CARS1: variants seen among roughly 807,000 people sequenced by gnomAD.
The protein encoded by CARS1 is cysteinyl-tRNA synthetase 1, also known as cysteine--tRNA ligase, cytoplasmic.
CARS1 carries 48 observed loss-of-function variants against 106.2 expected under a neutral mutation model. The ratio of observed to expected loss-of-function variants is 0.45; its 90% CI spans 0.36 to 0.57. The LOEUF is 0.57. CARS1 is among the 20% of genes least tolerant of loss of function. The probability of loss-of-function intolerance (pLI) is 0.00; values close to 1 mark genes in which losing one functional copy is unlikely to be tolerated. For synonymous variants in CARS1, 409 were observed against 403.4 expected (o/e 1.01, Z -0.17); for missense variants, 968 against 1,057.2 (o/e 0.92, Z 1.17).
At chr11:3,005,279 A>G (rs1029429098) in intron 20 of CARS1, 87 bp downstream of exon 20, 1 of 1,000,906 alleles carries the variant, frequency 1.0e-6, no homozygotes, top group Admixed American at 2.1e-5. Context: ...GTAAACATCA[A>G]TGCTTAAAAA....
At chr11:3,035,806 G>A (rs1214308917) in intron 7 of CARS1, among the ~76,000 whole-genome samples, 5 of 152,214 alleles carry the variant, frequency 3.3e-5, no homozygotes, top group African/African-American at 9.6e-5. Context: ...TTCTGATATG[G>A]CTACTATGAA....
intron 17 of CARS1, among the ~76,000 whole-genome samples, chr11:3,015,432 AG>A (rs2134131897): frequency 6.6e-6 from 1 of 152,390 alleles, no homozygotes; most frequent in African/African-American, 2.4e-5. Context: ...TACTGAATAC[AG>A]GTCAGTATAT....
At chr11:3,023,651 TC>T (rs1345221615) in intron 10 of CARS1, among the ~76,000 whole-genome samples, 1 of 152,068 alleles carries the variant, frequency 6.6e-6, no homozygotes, top group Non-Finnish European at 1.5e-5. Context: ...TGCCTCGGCC[TC>T]CCAAAGTGCT....
Position 3,040,622 on chromosome 11 carries a change from G to C in CARS1, c.455+274C>G, listed in dbSNP as rs1181339142. 1 of 627,066 alleles carries C rather than the reference G, an allele frequency of 1.6e-6. No individual in the cohort carries two copies. The highest frequency in any genetic ancestry group is 3.3e-5 in the East Asian group (1 of 30,532). The allele number at this position is 627,066 out of a possible 1,614,324, so 38.8% of individuals were successfully genotyped here. A position where few individuals can be genotyped will look rare whatever the true frequency, so the allele number is the denominator to read the frequency against. Reference sequence around the variant, plus strand: ...AAAACTTTAAGGTATGTGAGAAAAAGTGCCCAGGTCGAGTCCAGCATGTTA... The same window carrying C: ...AAAACTTTAAGGTATGTGAGAAAAACTGCCCAGGTCGAGTCCAGCATGTTA... On this transcript the variant is annotated intron_variant, in intron 4 of 22. Coordinates refer to ENST00000380525, the MANE Select transcript of CARS1 (RefSeq NM_001014437.3). This position sits in a 1 kb window ranked among gnomAD's most constrained non-coding sequence, Gnocchi z 5.8.
chr11:3,044,993 A>C lies in CARS1; in HGVS notation c.275-2737T>G, dbSNP rs1330778072. Among the ~76,000 whole-genome samples, 2 of 152,110 alleles carry C rather than the reference A, an allele frequency of 1.3e-5. No individual in the cohort carries two copies. Among genetic ancestry groups the C allele is most frequent in the Non-Finnish European group, 2.9e-5 (2 of 68,012 alleles). Reference sequence around the variant, plus strand: ...GGGGTGAGAGCAACACCAAACCTTCATGTTCCTGAAACTATGGCCTCGGCG... The same window carrying C: ...GGGGTGAGAGCAACACCAAACCTTCCTGTTCCTGAAACTATGGCCTCGGCG... On this transcript the variant is annotated intron_variant, in intron 2 of 22. Transcript: ENST00000380525. This position sits in a 1 kb window ranked among gnomAD's most constrained non-coding sequence, Gnocchi z 4.4.
At chr11:3,047,732 G>A (rs1855244995) in intron 2 of CARS1, 21 bp downstream of exon 2, 2 of 1,592,910 alleles carry the variant, frequency 1.3e-6, no homozygotes, top group Non-Finnish European at 1.7e-6. Flanking sequence ...TAATGGCCAG[G>A]GAACCCACTC....
At position 3,029,119 on chromosome 11, in the gene CARS1, C is replaced by T; in HGVS notation, c.943-35G>A. ...ACATGAGAATGTCCTGGGATTTTCC[C>T]TTCTGAAAACCACGCGCTCCATAAA... On this transcript the variant is annotated intron_variant, in intron 8 of 22. Coordinates refer to ENST00000380525, the MANE Select transcript of CARS1 (RefSeq NM_001014437.3). The surrounding 1 kb of genome is among the most constrained non-coding windows in gnomAD (Gnocchi z 5.9). 4 of 1,543,740 alleles carry T rather than the reference C, an allele frequency of 2.6e-6. No individual in the cohort carries two copies. The highest frequency in any genetic ancestry group is 3.6e-6 in the Non-Finnish European group (4 of 1,116,236).
chr11:3,025,356 T>G (rs555105588), intron 10 of CARS1, among the ~76,000 whole-genome samples: 1 of 152,160 alleles, frequency 6.6e-6, no homozygotes, highest in Non-Finnish European at 1.5e-5. Context: ...GCCTCCTGAG[T>G]AGCTGGGATT....
At chr11:3,056,818 A>G (rs1331122489) in intron 1 of CARS1, among the ~76,000 whole-genome samples, 2 of 152,146 alleles carry the variant, frequency 1.3e-5, no homozygotes, top group African/African-American at 2.4e-5. Flanking sequence ...GGCTGGGGAA[A>G]GGCTGTTTGA....
chr11:3,006,940 G>A lies in CARS1; in HGVS notation c.2088C>T (p.Leu696=). ...REQKVPEILQ[L]SDALRDNILP... ...GGATGTTGTCCCGCAGGGCATCGCT[G>A]AGCTGCAGAATCTCAGGGACTGTAG... The change falls in exon 19 of 23, where the codon CTC becomes CTT. Residue 696 remains leucine, a synonymous_variant. Coordinates refer to ENST00000380525, the MANE Select transcript of CARS1 (RefSeq NM_001014437.3). The A allele has an allele frequency of 6.2e-7, 1 of 1,614,096 alleles. No individual in the cohort carries two copies. The highest frequency in any genetic ancestry group is 8.5e-7 in the Non-Finnish European group (1 of 1,180,018).
In CARS1 at chr11:3,039,394, G is replaced by A. The variant is rs59948658; in HGVS notation, c.553-102C>T. On this transcript the variant is annotated intron_variant, in intron 5 of 22. Transcript: ENST00000380525. This position sits in a 1 kb window ranked among gnomAD's most constrained non-coding sequence, Gnocchi z 5.6. ...CTTGGCCAACTCTAAGTGAGGGTGA[G>A]GGTGGTGGGAGACAACTGTGGGCCC... The A allele has an allele frequency of 1.3e-4, 96 of 729,440 alleles. 1 individual carries two copies. The African/African-American group carries it at 1.5e-3, about 12-fold the overall frequency. The allele number at this position is 729,440 out of a possible 1,614,324, so 45.2% of individuals were successfully genotyped here.
intron 12 of CARS1, 23 bp from the exon 13 acceptor site, chr11:3,018,772 T>A: frequency 6.2e-7 from 1 of 1,609,446 alleles, no homozygotes; most frequent in Non-Finnish European, 8.5e-7. Context: ...AGACAAAGGA[T>A]GTCAACAGTC....
At chr11:3,024,959 C>T (rs1297119731) in intron 10 of CARS1, among the ~76,000 whole-genome samples, 2 of 152,188 alleles carry the variant, frequency 1.3e-5, no homozygotes, top group African/African-American at 2.4e-5. Flanking sequence ...GTATTTCAAA[C>T]CTTTCATATC....
rs374436644 is a variant in CARS1, at chr11:3,019,319, C to T, written c.1267-52G>A. 178 of 1,355,458 alleles carry T rather than the reference C, an allele frequency of 1.3e-4. No individual in the cohort carries two copies. In the African/African-American group the frequency reaches 2.4e-3, roughly 18 times the overall value. 84.0% of individuals were successfully genotyped at this position (1,355,458 alleles called of 1,614,324 possible). A position where few individuals can be genotyped will look rare whatever the true frequency, so the allele number is the denominator to read the frequency against. On this transcript the variant is annotated intron_variant, in intron 11 of 22. Coordinates refer to ENST00000380525, the MANE Select transcript of CARS1 (RefSeq NM_001014437.3). This position sits in a 1 kb window ranked among gnomAD's most constrained non-coding sequence, Gnocchi z 6.2. ...TGACCAGCCTACCCGCTTGTCCAGG[C>T]CTTTATCACTTATCACTCCAAGTTG...
At chr11:3,006,664 C>A (rs973906043) in intron 19 of CARS1, among the ~76,000 whole-genome samples, 26 of 152,216 alleles carry the variant, frequency 1.7e-4, no homozygotes. Flanking sequence ...GTGACACCAC[C>A]ACACGCAGCA....
Position 3,017,559 on chromosome 11 carries a change from C to A in CARS1, c.1728-264G>T. On this transcript the variant is annotated intron_variant, in intron 15 of 22. Transcript: ENST00000380525. This position sits in a 1 kb window ranked among gnomAD's most constrained non-coding sequence, Gnocchi z 4.9. ...TCGGGAGGCTGAGGCAGGAGAATCGCTCGAACCCGGGAGGTGGAGGTTGTG... is the reference window on the plus strand; with the variant it reads ...TCGGGAGGCTGAGGCAGGAGAATCGATCGAACCCGGGAGGTGGAGGTTGTG... The A allele has an allele frequency of 9.0e-6, 5 of 556,774 alleles. No individual in the cohort carries two copies. The highest frequency in any genetic ancestry group is 1.6e-5 in the Non-Finnish European group (5 of 313,770). The allele number at this position is 556,774 out of a possible 1,614,324, so 34.5% of individuals were successfully genotyped here.
rs750353843 is a variant in CARS1 at position 3,015,882 on chromosome 11, C to T, written c.1918-33G>A. ...AAGAAACAGATGGGACCTGAAGCTG[C>T]GGCAAGATGAAGGCGGCATGTGGCG... is the stretch of plus-strand genomic sequence containing the variant. On this transcript the variant is annotated intron_variant, in intron 16 of 22. Transcript: ENST00000380525. 34 of 1,583,306 alleles carry T rather than the reference C, an allele frequency of 2.1e-5. No homozygotes were observed. In the Admixed American group the frequency reaches 5.3e-4, roughly 25 times the overall value.
At chr11:3,002,339 T>C in intron 21 of CARS1, 1 of 927,512 alleles carries the variant, frequency 1.1e-6, no homozygotes, top group Non-Finnish European at 1.6e-6. Context: ...TGGCACAGCC[T>C]TCCCCTTGGC....
intron 16 of CARS1, among the ~76,000 whole-genome samples, chr11:3,016,345 C>T (rs905987468): frequency 3.9e-5 from 6 of 152,028 alleles, no homozygotes; most frequent in Non-Finnish European, 8.8e-5. Flanking sequence ...CTCAGCCTCC[C>T]GAGTAGCTGG....
Sources: gnomAD v4.1 joint callset for allele counts (sites outside exome capture counted in the v4.1 genomes callset) on GRCh38, gnomAD v4.1.1 for gene constraint, Gnocchi (gnomAD v3.1) non-coding constraint, MANE v1.5 for transcripts, NCBI Gene and HGNC (gene_info 2026-07-23, HGNC 2026-07-21) for gene names.